CENPI: variants seen among roughly 807,000 people sequenced by gnomAD.
CENPI encodes the protein FSH primary response 1.
CENPI carries 4 observed loss-of-function variants against 60.4 expected under a neutral mutation model. The observed-to-expected ratio is 0.07, with a 90% CI of 0.03 to 0.15. CENPI has a LOEUF of 0.15. CENPI is among the 10% of genes least tolerant of loss of function. The pLI is 1.00. For synonymous variants in CENPI, 157 were observed against 189.4 expected (o/e 0.83, Z 1.40); for missense variants, 444 against 534.5 (o/e 0.83, Z 1.67).
intron 15 of CENPI, among the ~76,000 whole-genome samples, chrX:101,132,887 A>G (rs1329481221): frequency 2.7e-5 from 3 of 111,378 alleles, no homozygotes; most frequent in African/African-American, 6.5e-5. Context: ...TTCATATTTT[A>G]TATTTATAGT....
At chrX:101,172,554 C>T in the CENPI span, among the ~76,000 whole-genome samples, 1 of 111,408 alleles carries the variant, frequency 9.0e-6, no homozygotes, top group Admixed American at 9.6e-5. Flanking sequence ...TTTTGTGGTT[C>T]TATTTACATG....
chrX:101,112,996 T>A (rs1438922214), intron 6 of CENPI, among the ~76,000 whole-genome samples: 1 of 109,443 alleles, frequency 9.1e-6, no homozygotes, highest in East Asian at 2.8e-4. Flanking sequence ...TCTATCCTCC[T>A]TTTTTTGGAT....
At chrX:101,146,428 T>C (rs2089962389) in intron 18 of CENPI, 151 bp downstream of exon 18, 1 of 496,484 alleles carries the variant, frequency 2.0e-6, no homozygotes, top group Non-Finnish European at 3.2e-6. Context: ...CCTTCCGATA[T>C]GGGGCCATGG....
chrX:101,175,358 C>A, the CENPI span, among the ~76,000 whole-genome samples: 3 of 111,823 alleles, frequency 2.7e-5, 1 homozygote, highest in African/African-American at 9.7e-5. Flanking sequence ...ATATTTACCC[C>A]ATTATAAGGA....
chrX:101,167,370 G>A (rs1285161938), downstream of CENPI, among the ~76,000 whole-genome samples: 1 of 111,885 alleles, frequency 8.9e-6, no homozygotes, highest in Non-Finnish European at 1.9e-5. Flanking sequence ...GAACAAGACT[G>A]ATTTTTTTGC....
chrX:101,121,467 T>C (rs2089677635), intron 8 of CENPI, among the ~76,000 whole-genome samples: 2 of 109,510 alleles, frequency 1.8e-5, no homozygotes, highest in Admixed American at 2.0e-4. Context: ...ATTTTTTGTA[T>C]TTTTAGTAGA....
chrX:101,153,882 TTA>T (rs762506445), intron 20 of CENPI, among the ~76,000 whole-genome samples: 1 of 112,329 alleles, frequency 8.9e-6, no homozygotes, highest in South Asian at 3.7e-4. Context: ...TCTGAGAATT[TTA>T]TAGTTTTAAC....
intron 20 of CENPI, among the ~76,000 whole-genome samples, chrX:101,151,101 T>G (rs1294467190): frequency 8.9e-6 from 1 of 111,988 alleles, no homozygotes; most frequent in African/African-American, 3.2e-5. Context: ...CCCAGTGGTG[T>G]TCTTTGTCTG....
In CENPI at chrX:101,120,665, G is replaced by C; in HGVS notation, c.641-73G>C. On this transcript the variant is annotated intron_variant, in intron 7 of 21. Transcript: ENST00000682095. ...AAGAAGAAACTGTATGAATTGCATG[G>C]TGGTTAAATATAACCAATTTCTTTT... The C allele has an allele frequency of 3.3e-6, 3 of 922,097 alleles. No individual in the cohort carries two copies. In the South Asian group the frequency reaches 6.2e-5, roughly 19 times the overall value. 76.0% of individuals were successfully genotyped at this position (922,097 alleles called of 1,213,427 possible).
At chrX:101,156,294 G>A (rs1407784322) in intron 20 of CENPI, among the ~76,000 whole-genome samples, 1 of 111,380 alleles carries the variant, frequency 9.0e-6, no homozygotes, top group Non-Finnish European at 1.9e-5. Flanking sequence ...ACAGGTGTGA[G>A]CCACTGCTCC....
intron 21 of CENPI, 62 bp downstream of exon 21, chrX:101,161,631 T>C: frequency 9.6e-7 from 1 of 1,045,177 alleles, no homozygotes. Context: ...ATCAAGAGAA[T>C]TTATACTTTT....
At chrX:101,113,119 A>G (rs922875499) in intron 6 of CENPI, among the ~76,000 whole-genome samples, 10 of 109,827 alleles carry the variant, frequency 9.1e-5, no homozygotes, top group African/African-American at 1.7e-4. Context: ...TTTATCTTAT[A>G]GGATACAAAA....
At chrX:101,146,313 A>G in intron 18 of CENPI, 36 bp downstream of exon 18, 1 of 1,121,581 alleles carries the variant, frequency 8.9e-7, no homozygotes. Flanking sequence ...GAAACAGTGT[A>G]TTATAATTCT....
At chrX:101,117,518 G>A (rs1189800470) in intron 6 of CENPI, among the ~76,000 whole-genome samples, 1 of 111,974 alleles carries the variant, frequency 8.9e-6, no homozygotes, top group East Asian at 2.8e-4. Context: ...TTTTTGAGCT[G>A]GCTTCTGGTT....
At chrX:101,138,906 G>A (rs1421184327) in intron 15 of CENPI, among the ~76,000 whole-genome samples, 1 of 106,410 alleles carries the variant, frequency 9.4e-6, no homozygotes. Flanking sequence ...GATTACAGGT[G>A]TGAGCCACTG....
the CENPI span, among the ~76,000 whole-genome samples, chrX:101,175,117 C>A: frequency 5.4e-5 from 6 of 110,865 alleles, no homozygotes; most frequent in African/African-American, 1.6e-4. Flanking sequence ...ACAACAACAA[C>A]AAAAAAAACC....
chrX:101,181,281 CT>C, the CENPI span, among the ~76,000 whole-genome samples: 4 of 111,693 alleles, frequency 3.6e-5, no homozygotes, highest in African/African-American at 6.5e-5. Flanking sequence ...TTGCCTTTGG[CT>C]TTTCTGGGTC....
chrX:101,101,335 T>G, intron 3 of CENPI, 39 bp downstream of exon 3: 1 of 939,318 alleles, frequency 1.1e-6, no homozygotes, highest in Non-Finnish European at 1.5e-6. Flanking sequence ...CTCCTATTTC[T>G]GTAAAAATAT....
chrX:101,104,634 G>T (rs1178173930), intron 4 of CENPI, among the ~76,000 whole-genome samples: 1 of 111,170 alleles, frequency 9.0e-6, no homozygotes, highest in Non-Finnish European at 1.9e-5. Flanking sequence ...GCCAAGGCAG[G>T]ATGATTGCTT....
Sources: gnomAD v4.1 joint callset for allele counts (sites outside exome capture counted in the v4.1 genomes callset) on GRCh38, gnomAD v4.1.1 for gene constraint, MANE v1.5 for transcripts, NCBI Gene and HGNC (gene_info 2026-07-23, HGNC 2026-07-21) for gene names.